The following MMP27 variants were observed in gnomAD, a reference collection of about 807,000 sequenced individuals.
MMP27 encodes matrix metalloproteinase-27.
MMP27 carries 51 observed loss-of-function variants against 48.1 expected under a neutral mutation model. The ratio of observed to expected loss-of-function variants is 1.06; its 90% CI spans 0.85 to 1.34. The LOEUF (loss-of-function observed/expected upper bound fraction) is 1.34, where lower values mean the gene tolerates loss of function less well. Among genes scored for constraint, MMP27 ranks in the 40% most tolerant of loss-of-function variants. The pLI is 0.00. For synonymous variants in MMP27, 229 were observed against 208.9 expected, an observed-to-expected ratio of 1.10 and a Z score of -0.83; for missense variants, 698 against 619.3, an observed-to-expected ratio of 1.13 and a Z score of -1.35.
intron 9 of MMP27, 73 bp from the exon 10 acceptor site, chr11:102,692,083 C>A: frequency 7.5e-7 from 1 of 1,338,168 alleles, no homozygotes. Flanking sequence ...ATTTTATAAA[C>A]ATGGAAAAAA....
intron 8 of MMP27, among the ~76,000 whole-genome samples, chr11:102,693,548 C>T (rs1860764360): frequency 1.3e-5 from 2 of 151,954 alleles, no homozygotes; most frequent in Admixed American, 6.6e-5. Flanking sequence ...TTTGAGAGGC[C>T]GAGGTGGGTG....
At chr11:102,693,296 C>T (rs12293213) in intron 8 of MMP27, among the ~76,000 whole-genome samples, 2,541 of 152,290 alleles carry the variant, frequency 0.017, 80 homozygotes, top group African/African-American at 0.058. Flanking sequence ...GAAATCGTTA[C>T]ATCAGATTGA....
chr11:102,702,915 G>T lies in MMP27; in HGVS notation c.491-34C>A, dbSNP rs1860970722. 4 of 1,611,916 alleles carry T rather than the reference G, an allele frequency of 2.5e-6. No homozygotes were observed. The East Asian group carries it at 8.9e-5, about 36-fold the overall frequency. ...CAATTTATGCGAGGAAAAAAGATCAGCTTCCTCAAATCTCCTGAGATAAAA... is the reference window on the plus strand; with the variant it reads ...CAATTTATGCGAGGAAAAAAGATCATCTTCCTCAAATCTCCTGAGATAAAA... On this transcript the variant is annotated intron_variant, in intron 3 of 9. Coordinates refer to ENST00000260229, the MANE Select transcript of MMP27 (RefSeq NM_022122.3).
chr11:102,703,059 C>T lies in MMP27; in HGVS notation c.401G>A (p.Gly134Asp). 6.2e-7 allele frequency: 1 copy of T among 1,614,174 alleles called. No homozygotes were observed. The change falls in exon 3 of 10, where the codon GGT (glycine) becomes GAT (aspartate). Residue 134 changes from glycine (G) to aspartate (D), a missense_variant. Transcript: ENST00000260229. ...AGTGACTTTGCTCCACACTTCTAAA[C>T]CTTCTTGGATAGCCTCATCCACAGC... ...RAAVDEAIQE[G>D]LEVWSKVTPL...
intron 1 of MMP27, 30 bp downstream of exon 1, chr11:102,705,583 A>G (rs1330162040): frequency 3.4e-5 from 44 of 1,280,938 alleles, no homozygotes; most frequent in Non-Finnish European, 4.6e-5. Context: ...TTTTATCAAT[A>G]GTCATCGATA....
chr11:102,694,931 C>A, intron 7 of MMP27, 36 bp downstream of exon 7: 3 of 1,610,854 alleles, frequency 1.9e-6, no homozygotes, highest in Non-Finnish European at 2.5e-6. Context: ...TTCAGGCAGC[C>A]AGAGGGAGAA....
chr11:102,699,434 C>G (rs1860896253), intron 4 of MMP27, among the ~76,000 whole-genome samples: 1 of 152,084 alleles, frequency 6.6e-6, no homozygotes, highest in South Asian at 2.1e-4. Context: ...CACCACTGCA[C>G]TCCAGCCTGG....
chr11:102,703,160 T>A (rs755755783), intron 2 of MMP27, 42 bp from the exon 3 acceptor site: 2 of 1,576,954 alleles, frequency 1.3e-6, no homozygotes, highest in Admixed American at 3.5e-5. Flanking sequence ...GGCTTATTCA[T>A]GCATGAATAT....
Position 102,703,136 on chromosome 11 carries a change from A to G in MMP27, c.342-18T>C. 6.2e-7 allele frequency: 1 copy of G among 1,605,090 alleles called. No individual in the cohort carries two copies. The highest frequency in any genetic ancestry group is 8.5e-7 in the Non-Finnish European group (1 of 1,176,920). On this transcript the variant is annotated intron_variant, in intron 2 of 9. Coordinates refer to ENST00000260229, the MANE Select transcript of MMP27 (RefSeq NM_022122.3). Reference sequence around the variant, plus strand: ...TTATTATTCTTAAAAATTAACAAAAATATGTCAATTTCTGGCTTATTCATG... The same window carrying G: ...TTATTATTCTTAAAAATTAACAAAAGTATGTCAATTTCTGGCTTATTCATG...
intron 6 of MMP27, among the ~76,000 whole-genome samples, chr11:102,695,652 A>G (rs990682987): frequency 6.6e-6 from 1 of 152,172 alleles, no homozygotes; most frequent in Non-Finnish European, 1.5e-5. Flanking sequence ...TGGTGATAAC[A>G]TGTGATTGTA....
Position 102,692,010 on chromosome 11 carries a change from C to T in MMP27, c.1298G>A (p.Gly433Glu), listed in dbSNP as rs1860734925. ...IRVDAAFQYK[G>E]FFFFSRGSKQ... ...TGATCCACGGCTGAAAAAGAAGAAT[C>T]CTAGAGACAGGGAATCAGGATTAGT... The change falls in exon 10 of 10, where the codon GGA becomes GAA. Residue 433 changes from glycine (G) to glutamate (E), a missense_variant and splice_region_variant. Coordinates refer to ENST00000260229, the MANE Select transcript of MMP27 (RefSeq NM_022122.3). 6.3e-7 allele frequency: 1 copy of T among 1,591,184 alleles called. No individual in the cohort carries two copies. Among genetic ancestry groups the T allele is most frequent in the Admixed American group, 1.7e-5 (1 of 57,594 alleles).
At chr11:102,692,107 G>A (rs1176935980) in intron 9 of MMP27, 97 bp from the exon 10 acceptor site, 3 of 1,171,958 alleles carry the variant, frequency 2.6e-6, no homozygotes, top group Non-Finnish European at 3.4e-6. Context: ...ACATTATGGA[G>A]AACGAAGAAA....
At chr11:102,692,668 G>A (rs774390309) in intron 9 of MMP27, among the ~76,000 whole-genome samples, 13 of 152,162 alleles carry the variant, frequency 8.5e-5, no homozygotes, top group Non-Finnish European at 1.8e-4. Flanking sequence ...TAGTCACTTC[G>A]CACACTTTAG....
Position 102,692,962 on chromosome 11 carries a change from C to G in MMP27, c.1273G>C (p.Val425Leu), listed in dbSNP as rs1860752417. 1 of 1,613,588 alleles carries G rather than the reference C, an allele frequency of 6.2e-7. No homozygotes were observed. Among genetic ancestry groups the G allele is most frequent in the African/African-American group, 1.3e-5 (1 of 74,896 alleles). Residue 425 changes from valine (V) to leucine (L), a missense_variant, in exon 9 of 10, where the codon GTT becomes CTT. By Grantham distance (32) the Val-to-Leu change is conservative (BLOSUM62 1). Coordinates refer to ENST00000260229, the MANE Select transcript of MMP27 (RefSeq NM_022122.3). The part of the protein sequence containing the change: ...VKHFPGISIR[V>L]DAAFQYKGFF... ...CCTTTGTACTGGAAAGCAGCATCAA[C>G]ACGGATACTGATTCCAGGAAAGTGT...
At chr11:102,693,643 C>T (rs564437936) in intron 8 of MMP27, among the ~76,000 whole-genome samples, 3 of 152,002 alleles carry the variant, frequency 2.0e-5, no homozygotes, top group Admixed American at 6.6e-5. Context: ...ATTAGCCAGG[C>T]GTGGTGGCAC....
intron 4 of MMP27, among the ~76,000 whole-genome samples, chr11:102,699,489 A>T (rs1223751653): frequency 6.6e-6 from 1 of 152,146 alleles, no homozygotes; most frequent in Non-Finnish European, 1.5e-5. Flanking sequence ...AAATAAATAC[A>T]TACATACATA....
intron 1 of MMP27, 129 bp downstream of exon 1, chr11:102,705,484 A>C (rs1337162356): frequency 5.2e-6 from 3 of 577,142 alleles, no homozygotes; most frequent in Non-Finnish European, 8.9e-6. Flanking sequence ...AGACAAATGA[A>C]AAGCAGTTCC....
At chr11:102,705,172 T>G (rs1440688874) in intron 1 of MMP27, among the ~76,000 whole-genome samples, 3 of 152,266 alleles carry the variant, frequency 2.0e-5, no homozygotes, top group Non-Finnish European at 4.4e-5. Context: ...TTATCCATTT[T>G]GCACATGTAT....
intron 9 of MMP27, 62 bp downstream of exon 9, chr11:102,692,876 G>T: frequency 7.2e-7 from 1 of 1,394,500 alleles, no homozygotes; most frequent in Non-Finnish European, 1.0e-6. Context: ...TTTTTGTGCT[G>T]TCTTTTTTCA....
Sources: gnomAD v4.1 joint callset for allele counts (sites outside exome capture counted in the v4.1 genomes callset) on GRCh38, gnomAD v4.1.1 for gene constraint, MANE v1.5 for transcripts, NCBI Gene and HGNC (gene_info 2026-07-23, HGNC 2026-07-21) for gene names.